PAX7: variants seen among roughly 807,000 people sequenced by gnomAD.
PAX7 encodes the protein paired box 7, also known as paired box protein Pax-7.
A neutral mutation model predicts 50.7 loss-of-function variants in PAX7; 18 were observed. The ratio of observed to expected loss-of-function variants is 0.36; its 90% CI spans 0.25 to 0.53. The LOEUF (loss-of-function observed/expected upper bound fraction) is 0.53, where lower values mean the gene tolerates loss of function less well. Ranked by LOEUF, PAX7 falls within the 20% of genes least tolerant of loss-of-function variation. PAX7 has a pLI of 0.93. For synonymous variants in PAX7, 310 were observed against 290.4 expected (o/e 1.07, Z -0.69); for missense variants, 644 against 702.9 (o/e 0.92, Z 0.95).
Position 18,717,523 on chromosome 1 carries a change from T to C in PAX7, c.1155+14227T>C, listed in dbSNP as rs552687800. On this transcript the variant is annotated intron_variant, in intron 7 of 8. Coordinates refer to ENST00000420770, the MANE Select transcript of PAX7 (RefSeq NM_001135254.2). ...CATCTCTCTGGTCTCAGCTCAGAGGTTGTTTGCTCCAGAAGTTTGCCCTGA... is the reference window on the plus strand; with the variant it reads ...CATCTCTCTGGTCTCAGCTCAGAGGCTGTTTGCTCCAGAAGTTTGCCCTGA... Among the ~76,000 whole-genome samples, 5 of 152,232 alleles carry C rather than the reference T, an allele frequency of 3.3e-5. No individual in the cohort carries two copies. The South Asian group carries it at 8.3e-4, about 25-fold the overall frequency.
chr1:18,636,090 T>A lies in PAX7; in HGVS notation c.452-147T>A, dbSNP rs1395608831. The stretch of plus-strand genomic sequence containing the variant: ...ATGCTGGTTATGGAGTACGTGTCAA[T>A]GCCTAAATGCCTGTGTGTGGAAGAG... On this transcript the variant is annotated intron_variant, in intron 3 of 8. Transcript: ENST00000420770. The surrounding 1 kb of genome is among the most constrained non-coding windows in gnomAD (Gnocchi z 5.1). 1.7e-5 allele frequency: 14 copies of A among 818,636 alleles called. No homozygotes were observed. Among genetic ancestry groups the A allele is most frequent in the Admixed American group, 6.9e-5 (3 of 43,234 alleles). The allele number at this position is 818,636 out of a possible 1,614,324, so 50.7% of individuals were successfully genotyped here.
At chr1:18,677,911 G>C (rs942833977) in intron 4 of PAX7, among the ~76,000 whole-genome samples, 2 of 151,486 alleles carry the variant, frequency 1.3e-5, no homozygotes, top group Non-Finnish European at 2.9e-5. Flanking sequence ...GTGCAACCCT[G>C]TCTCTACTAA....
chr1:18,640,543 TCACGAAA>T (rs942936614), intron 4 of PAX7, among the ~76,000 whole-genome samples: 14 of 152,014 alleles, frequency 9.2e-5, no homozygotes, highest in Admixed American at 1.3e-4. Context: ...AGTCCATTTA[TCACGAAA>T]CAATCTGCAT....
At chr1:18,725,865 A>G (rs1181648303) in intron 7 of PAX7, among the ~76,000 whole-genome samples, 1 of 152,196 alleles carries the variant, frequency 6.6e-6, no homozygotes, top group African/African-American at 2.4e-5. Context: ...GACTCAGGCC[A>G]ACCCAAGGAT....
rs112435145 is a variant in PAX7 at position 18,683,840 on chromosome 1, A to AAATAAT, written c.587-7900_587-7895dup. 1.6e-3 allele frequency among the ~76,000 whole-genome samples: 247 copies of AAATAAT among 152,122 alleles called. 2 individuals are homozygous for AAATAAT. Among genetic ancestry groups the AAATAAT allele is most frequent in the African/African-American group, 5.6e-3 (232 of 41,512 alleles). On this transcript the variant is annotated intron_variant, in intron 4 of 8. Coordinates refer to ENST00000420770, the MANE Select transcript of PAX7 (RefSeq NM_001135254.2). ...GGGCAACACAGGGAGACTGTCTCAA[A>AAATAAT]AATAATAATAATAATAATACCCATC...
chr1:18,687,620 G>A (rs1293641143), intron 4 of PAX7, among the ~76,000 whole-genome samples: 1 of 152,130 alleles, frequency 6.6e-6, no homozygotes, highest in Non-Finnish European at 1.5e-5. Flanking sequence ...AAGGCGGGTA[G>A]TGGATGCTCT....
chr1:18,662,072 C>A (rs1185248856), intron 4 of PAX7, among the ~76,000 whole-genome samples: 1 of 151,102 alleles, frequency 6.6e-6, no homozygotes, highest in East Asian at 2.0e-4. Context: ...GTCCTAGAGA[C>A]CTGCTCTGGG....
intron 4 of PAX7, among the ~76,000 whole-genome samples, chr1:18,672,797 G>T (rs1382227778): frequency 6.6e-6 from 1 of 151,938 alleles, no homozygotes; most frequent in African/African-American, 2.4e-5. Context: ...GTAGAGAGGG[G>T]GGTTTCATCA....
chr1:18,665,824 C>T (rs1422881611), intron 4 of PAX7, among the ~76,000 whole-genome samples: 2 of 152,050 alleles, frequency 1.3e-5, no homozygotes, highest in Admixed American at 1.3e-4. Context: ...CGTGCACCAC[C>T]ATGCCTGACT....
intron 8 of PAX7, among the ~76,000 whole-genome samples, chr1:18,737,165 G>A (rs916321937): frequency 2.0e-5 from 3 of 152,268 alleles, no homozygotes; most frequent in Admixed American, 6.5e-5. Flanking sequence ...GGGAGCCAGA[G>A]GTCATGGGTC....
At chr1:18,658,958 ATATGTGTGTGTGTACACATATG>A (rs1452019583) in intron 4 of PAX7, among the ~76,000 whole-genome samples, 1 of 152,022 alleles carries the variant, frequency 6.6e-6, no homozygotes, top group African/African-American at 2.4e-5. Flanking sequence ...GCATGCACGT[ATATGTGTGTGTGTACACATATG>A]TATGTGTGTG....
chr1:18,648,254 GA>G (rs2100451102), intron 4 of PAX7, among the ~76,000 whole-genome samples: 1 of 150,780 alleles, frequency 6.6e-6, no homozygotes, highest in South Asian at 2.1e-4. Context: ...CCATCTCCCA[GA>G]AAAGGGGCCC....
rs76922695 is a variant in PAX7 at position 18,667,147 on chromosome 1, T to C, written c.587-24607T>C. On this transcript the variant is annotated intron_variant, in intron 4 of 8. Coordinates refer to ENST00000420770, the MANE Select transcript of PAX7 (RefSeq NM_001135254.2). ...CTTGCTCACCAGCTGAGTTGAGGAG[T>C]CAGGTTCAAGTCCTGACCCTAGCTG... Among the ~76,000 whole-genome samples the C allele has an allele frequency of 1.8e-4, 27 of 152,192 alleles. No individual in the cohort carries two copies. The East Asian group carries it at 4.6e-3, about 26-fold the overall frequency.
At chr1:18,722,518 G>A (rs1473555980) in intron 7 of PAX7, among the ~76,000 whole-genome samples, 4 of 152,196 alleles carry the variant, frequency 2.6e-5, no homozygotes, top group Non-Finnish European at 4.4e-5. Flanking sequence ...TCCTCGATAA[G>A]TGGATTAGTC....
chr1:18,700,968 T>G lies in PAX7; in HGVS notation c.952+150T>G, dbSNP rs2089211709. 9.8e-6 allele frequency: 8 copies of G among 813,940 alleles called. No individual in the cohort carries two copies. Among genetic ancestry groups the G allele is most frequent in the Non-Finnish European group, 1.2e-5 (7 of 565,876 alleles). 50.4% of individuals were successfully genotyped at this position (813,940 alleles called of 1,614,324 possible). On this transcript the variant is annotated intron_variant, in intron 6 of 8. Coordinates refer to ENST00000420770, the MANE Select transcript of PAX7 (RefSeq NM_001135254.2). This position sits in a 1 kb window ranked among gnomAD's most constrained non-coding sequence, Gnocchi z 4.8. ...GAGCAAAAAGATGCAATCCTGCCCT[T>G]GAAATTCTTGGCCCTGACACAGAGC...
intron 4 of PAX7, among the ~76,000 whole-genome samples, chr1:18,685,225 C>A (rs991062521): frequency 6.6e-6 from 1 of 152,182 alleles, no homozygotes; most frequent in Non-Finnish European, 1.5e-5. Flanking sequence ...GCCTTCCCCT[C>A]CCTTTATTGG....
chr1:18,748,213 C>T lies in PAX7; in HGVS notation c.*3284C>T, dbSNP rs1931527286. 1 of 225,386 alleles carries T rather than the reference C, an allele frequency of 4.4e-6. No individual in the cohort carries two copies. The highest frequency in any genetic ancestry group is 8.8e-6 in the Non-Finnish European group (1 of 113,194). The allele number at this position is 225,386 out of a possible 1,614,324, so 14.0% of individuals were successfully genotyped here. A position where few individuals can be genotyped will look rare whatever the true frequency, so the allele number is the denominator to read the frequency against. On this transcript the variant is annotated 3_prime_UTR_variant, in exon 9 of 9. Coordinates refer to ENST00000420770, the MANE Select transcript of PAX7 (RefSeq NM_001135254.2). Reference sequence around the variant, plus strand: ...ACTCTGGCTTGAGAACAGGACGGGTCCCAGAGTTTGACCACTGCCAGAATC... The same window carrying T: ...ACTCTGGCTTGAGAACAGGACGGGTTCCAGAGTTTGACCACTGCCAGAATC...
intron 4 of PAX7, among the ~76,000 whole-genome samples, chr1:18,639,595 C>T (rs762993982): frequency 3.3e-5 from 5 of 151,906 alleles, no homozygotes; most frequent in Non-Finnish European, 7.4e-5. Context: ...ATAGACAGGC[C>T]GGGGACCCAA....
At chr1:18,698,044 A>G (rs1301280998) in intron 5 of PAX7, among the ~76,000 whole-genome samples, 1 of 152,138 alleles carries the variant, frequency 6.6e-6, no homozygotes, top group Non-Finnish European at 1.5e-5. Context: ...GAATGCATCC[A>G]ACTTTATTCA....
Sources: allele counts gnomAD v4.1 joint callset (sites outside exome capture counted in the v4.1 genomes callset), GRCh38; gene constraint gnomAD v4.1.1; non-coding constraint Gnocchi (gnomAD v3.1); transcripts MANE v1.5; gene names NCBI Gene and HGNC (gene_info 2026-07-23, HGNC 2026-07-21).